The following SPAG16 variants were observed in gnomAD, a reference collection of about 807,000 sequenced individuals.
The protein encoded by SPAG16 is sperm associated antigen 16.
A neutral mutation model predicts 80.4 loss-of-function variants in SPAG16; 86 were observed. The observed-to-expected ratio is 1.07, with a 90% confidence interval of 0.90 to 1.28. The LOEUF is 1.28. SPAG16 is among the 50% of genes most tolerant of loss of function. SPAG16 has a pLI of 0.00. For synonymous variants in SPAG16, 294 were observed against 265.9 expected, an observed-to-expected ratio of 1.11 and a Z score of -1.03; for missense variants, 870 against 765.3, an observed-to-expected ratio of 1.14 and a Z score of -1.61.
chr2:213,856,958 G>T (rs2075198924), intron 10 of SPAG16, among the ~76,000 whole-genome samples: 1 of 152,158 alleles, frequency 6.6e-6, no homozygotes, highest in Non-Finnish European at 1.5e-5. Flanking sequence ...GCATAGGATG[G>T]GTGGCTCACA....
intron 13 of SPAG16, among the ~76,000 whole-genome samples, chr2:214,063,694 A>G (rs2125192982): frequency 6.6e-6 from 1 of 152,352 alleles, no homozygotes; most frequent in Admixed American, 6.5e-5. Context: ...TTCCTCTTCC[A>G]GGAACTGCTT....
At chr2:213,599,826 C>T (rs1296905708) in intron 10 of SPAG16, among the ~76,000 whole-genome samples, 3 of 152,100 alleles carry the variant, frequency 2.0e-5, no homozygotes, top group Non-Finnish European at 2.9e-5. Flanking sequence ...CTCAGCATCC[C>T]GAGTAGCTGG....
At chr2:213,832,302 AT>A (rs1393347862) in intron 10 of SPAG16, among the ~76,000 whole-genome samples, 1 of 151,970 alleles carries the variant, frequency 6.6e-6, no homozygotes, top group African/African-American at 2.4e-5. Context: ...GGCACTTTTA[AT>A]TCTTGTTGGG....
At chr2:213,401,760 T>C (rs1457108004) in intron 9 of SPAG16, among the ~76,000 whole-genome samples, 1 of 152,168 alleles carries the variant, frequency 6.6e-6, no homozygotes, top group African/African-American at 2.4e-5. Context: ...TGGACGTGTT[T>C]CTACCATCTT....
intron 15 of SPAG16, among the ~76,000 whole-genome samples, chr2:214,319,734 C>A (rs1695969704): frequency 6.6e-6 from 1 of 151,998 alleles, no homozygotes; most frequent in Admixed American, 6.6e-5. Context: ...ATTTGTAACC[C>A]CAGAATATCT....
At chr2:214,216,735 T>C (rs1027415861) in intron 15 of SPAG16, among the ~76,000 whole-genome samples, 3 of 152,350 alleles carry the variant, frequency 2.0e-5, no homozygotes, top group Middle Eastern at 6.8e-3. Context: ...AATACATTAA[T>C]TGAATTCTCT....
At chr2:214,002,845 CT>C (rs768437914) in intron 12 of SPAG16, among the ~76,000 whole-genome samples, 75 of 152,310 alleles carry the variant, frequency 4.9e-4, no homozygotes, top group Admixed American at 9.2e-4. Context: ...ACTCAGTCTA[CT>C]GATCCAAATG....
At chr2:213,949,180 T>TTTTTTTTTTTTTTG (rs2079618136) in intron 12 of SPAG16, among the ~76,000 whole-genome samples, 1 of 18,348 alleles carries the variant, frequency 5.5e-5, no homozygotes, top group Non-Finnish European at 1.7e-4. Context: ...TTTTTTTTTT[T>TTTTTTTTTTTTTTG]TTTTTTTTTT....
At chr2:213,614,559 T>A (rs893611921) in intron 10 of SPAG16, among the ~76,000 whole-genome samples, 9 of 152,200 alleles carry the variant, frequency 5.9e-5, no homozygotes, top group Admixed American at 2.6e-4. Context: ...TCACAACAGC[T>A]CCTGGTGTTG....
At chr2:213,674,139 C>T (rs544746436) in intron 10 of SPAG16, among the ~76,000 whole-genome samples, 3 of 151,924 alleles carry the variant, frequency 2.0e-5, no homozygotes, top group Middle Eastern at 3.4e-3. Flanking sequence ...ATATGGAGAC[C>T]GACCTGCTGA....
intron 15 of SPAG16, among the ~76,000 whole-genome samples, chr2:214,223,219 C>A (rs936189076): frequency 2.0e-5 from 3 of 151,948 alleles, no homozygotes; most frequent in Non-Finnish European, 4.4e-5. Context: ...AATGAAAGTT[C>A]TTGAGAAAGG....
Position 213,930,069 on chromosome 2 carries a change from T to C in SPAG16, c.1324T>C (p.Cys442Arg). Reference protein sequence around the residue: ...FEGHSRAVWSCTWHSCGNFVA... With the variant: ...FEGHSRAVWSRTWHSCGNFVA... ...AGGACACAGCCGCGCAGTGTGGTCC[T>C]GCACATGGCACTCCTGCGGCAATTT... The change falls in exon 12 of 16, where the codon TGC becomes CGC. Residue 442 changes from cysteine (C) to arginine (R), a missense_variant. Physicochemically the swap from Cys to Arg is radical, Grantham distance 180. Transcript: ENST00000331683. 2 of 1,614,164 alleles carry C rather than the reference T, an allele frequency of 1.2e-6. No homozygotes were observed. The highest frequency in any genetic ancestry group is 1.7e-6 in the Non-Finnish European group (2 of 1,179,996).
intron 5 of SPAG16, among the ~76,000 whole-genome samples, chr2:213,322,348 A>AT (rs1330462776): frequency 9.1e-6 from 1 of 109,818 alleles, no homozygotes; most frequent in Non-Finnish European, 1.8e-5. Flanking sequence ...AAAAAAAAAA[A>AT]AAAAAAAACA....
chr2:213,435,230 G>A (rs1172285508), intron 9 of SPAG16, among the ~76,000 whole-genome samples: 1 of 152,156 alleles, frequency 6.6e-6, no homozygotes, highest in African/African-American at 2.4e-5. Context: ...AGGATATGAT[G>A]TCATTGTCTT....
chr2:213,859,693 C>T (rs2075337879), intron 10 of SPAG16, among the ~76,000 whole-genome samples: 1 of 152,186 alleles, frequency 6.6e-6, no homozygotes, highest in Non-Finnish European at 1.5e-5. Context: ...AAGTTGGCTT[C>T]CGTTCACTAC....
In SPAG16 at chr2:213,584,809, T is replaced by C. The variant is rs902766004; in HGVS notation, c.1070+94719T>C. ...AAAATTTATTGGTGGCTAGGAAATA[T>C]ATTGTAATAGTAGTGAGTCCAACTA... On this transcript the variant is annotated intron_variant, in intron 10 of 15. Coordinates refer to ENST00000331683, the MANE Select transcript of SPAG16 (RefSeq NM_024532.5). Among the ~76,000 whole-genome samples, 4 of 152,200 alleles carry C rather than the reference T, an allele frequency of 2.6e-5. No homozygotes were observed. In the South Asian group the frequency reaches 8.3e-4, roughly 32 times the overall value.
intron 12 of SPAG16, among the ~76,000 whole-genome samples, chr2:213,959,209 GA>G (rs1158455984): frequency 1.3e-5 from 2 of 152,002 alleles, no homozygotes; most frequent in African/African-American, 4.8e-5. Context: ...TGAAAAATTT[GA>G]ATGTAATATG....
chr2:213,346,573 TGA>T (rs1339337264), intron 6 of SPAG16, among the ~76,000 whole-genome samples: 1 of 152,236 alleles, frequency 6.6e-6, no homozygotes, highest in African/African-American at 2.4e-5. Context: ...CCTCATTTAT[TGA>T]GAGTTTTTAG....
chr2:213,979,456 G>A (rs2106408296), intron 12 of SPAG16, among the ~76,000 whole-genome samples: 1 of 152,138 alleles, frequency 6.6e-6, no homozygotes, highest in East Asian at 1.9e-4. Flanking sequence ...TCACAGTTCT[G>A]CATTGCTGGG....
Sources: allele counts gnomAD v4.1 joint callset (sites outside exome capture counted in the v4.1 genomes callset), GRCh38; gene constraint gnomAD v4.1.1; transcripts MANE v1.5; gene names NCBI Gene and HGNC (gene_info 2026-07-23, HGNC 2026-07-21).